STK32B: variants seen among roughly 807,000 people sequenced by gnomAD.
STK32B encodes serine/threonine-protein kinase 32B.
A neutral mutation model predicts 52.6 loss-of-function variants in STK32B; 43 were observed. The ratio of observed to expected loss-of-function variants is 0.82; its 90% confidence interval spans 0.64 to 1.05. The LOEUF (loss-of-function observed/expected upper bound fraction) is 1.05, where lower values mean the gene tolerates loss of function less well. Ranked by LOEUF, STK32B falls within the 50% of genes least tolerant of loss-of-function variation. The probability of loss-of-function intolerance (pLI) is 0.00; values close to 1 mark genes in which losing one functional copy is unlikely to be tolerated. For synonymous variants in STK32B, 238 were observed against 204.3 expected, an observed-to-expected ratio of 1.17 and a Z score of -1.41; for missense variants, 621 against 534.6, an observed-to-expected ratio of 1.16 and a Z score of -1.59.
intron 3 of STK32B, among the ~76,000 whole-genome samples, chr4:5,264,446 G>A (rs987300065): frequency 6.6e-6 from 1 of 151,880 alleles, no homozygotes; most frequent in Non-Finnish European, 1.5e-5. Context: ...CCTTTGTGAA[G>A]TATATGTCTA....
intron 11 of STK32B, among the ~76,000 whole-genome samples, chr4:5,494,606 G>C (rs1026299186): frequency 1.3e-5 from 2 of 152,162 alleles, no homozygotes; most frequent in Non-Finnish European, 2.9e-5. Context: ...GTGTGAATTT[G>C]ATCCTGTCAT....
At chr4:5,421,016 C>T (rs1712598642) in intron 6 of STK32B, among the ~76,000 whole-genome samples, 1 of 152,024 alleles carries the variant, frequency 6.6e-6, no homozygotes. Context: ...TCTCCTGCCT[C>T]AGCCTCCCAA....
rs147022806 is a variant in STK32B, at chr4:5,220,823, G to A, written c.260+52373G>A. On this transcript the variant is annotated intron_variant, in intron 3 of 11. Coordinates refer to ENST00000282908, the MANE Select transcript of STK32B (RefSeq NM_018401.3). ...GATCTCTGTTGCAGTAATCAACTAA[G>A]GTGGTGGCAGTGGGGATGGAAAGTA... Among the ~76,000 whole-genome samples, 224 of 152,258 alleles carry A rather than the reference G, an allele frequency of 1.5e-3. 1 individual carries two copies. The highest frequency in any genetic ancestry group is 5.0e-3 in the African/African-American group (208 of 41,554).
At chr4:5,227,065 C>T (rs1003450725) in intron 3 of STK32B, among the ~76,000 whole-genome samples, 1 of 152,128 alleles carries the variant, frequency 6.6e-6, no homozygotes, top group East Asian at 1.9e-4. Context: ...CATTCAATTG[C>T]AATGTCATGT....
chr4:5,273,971 C>T (rs1192028820), intron 3 of STK32B, among the ~76,000 whole-genome samples: 1 of 151,256 alleles, frequency 6.6e-6, no homozygotes, highest in Non-Finnish European at 1.5e-5. Context: ...TGCACATGTA[C>T]CCTAAAACTT....
chr4:5,100,684 ACTTTCTTTCTTTCCTTCCTTCCTTTC>A (rs1713709941), intron 1 of STK32B, among the ~76,000 whole-genome samples: 12 of 13,160 alleles, frequency 9.1e-4, no homozygotes, highest in South Asian at 4.3e-3. Context: ...TTCCTTTCTT[ACTTTCTTTCTTTCCTTCCTTCCTTTC>A]TTCCTTCCCT....
chr4:5,176,064 A>G (rs1055715584), intron 3 of STK32B, among the ~76,000 whole-genome samples: 2 of 152,186 alleles, frequency 1.3e-5, no homozygotes, highest in African/African-American at 2.4e-5. Flanking sequence ...TGTGCTAGCA[A>G]TGAGCGAGGC....
At chr4:5,217,149 A>G (rs909777312) in intron 3 of STK32B, among the ~76,000 whole-genome samples, 5 of 152,356 alleles carry the variant, frequency 3.3e-5, no homozygotes, top group Middle Eastern at 6.8e-3. Flanking sequence ...GGGTAACACC[A>G]TGGCTCTGGG....
At position 5,051,795 on chromosome 4, in the gene STK32B, C is replaced by G; in HGVS notation, c.-69C>G. ...GCGCCCCCGGCATCCCGCATCTCTG[C>G]GCGCGTCCCACATCCCGCATCCGGC... is the stretch of plus-strand genomic sequence containing the variant. On this transcript the variant is annotated 5_prime_UTR_variant, in exon 1 of 12. Coordinates refer to ENST00000282908, the MANE Select transcript of STK32B (RefSeq NM_018401.3). 1 of 1,549,034 alleles carries G rather than the reference C, an allele frequency of 6.5e-7. No individual in the cohort carries two copies. The highest frequency in any genetic ancestry group is 8.7e-7 in the Non-Finnish European group (1 of 1,146,086).
At chr4:5,264,281 C>G (rs569239840) in intron 3 of STK32B, among the ~76,000 whole-genome samples, 1 of 152,264 alleles carries the variant, frequency 6.6e-6, no homozygotes, top group Admixed American at 6.5e-5. Flanking sequence ...TCTGGTTACT[C>G]CATATCCTTA....
intron 1 of STK32B, among the ~76,000 whole-genome samples, chr4:5,073,742 A>G (rs1223440150): frequency 1.3e-5 from 2 of 152,086 alleles, no homozygotes; most frequent in African/African-American, 4.8e-5. Context: ...TATTTTCACC[A>G]GACATAGAAT....
chr4:5,257,319 G>A (rs73081695), intron 3 of STK32B, among the ~76,000 whole-genome samples: 19,751 of 151,968 alleles, frequency 0.13, 3,254 homozygotes, highest in African/African-American at 0.38. Flanking sequence ...GAGTAGATGA[G>A]TGAGCAAGTG....
chr4:5,426,888 A>G (rs1052384726), intron 6 of STK32B: 45 of 152,102 alleles, frequency 3.0e-4, no homozygotes, highest in African/African-American at 1.1e-3. Context: ...TATTTGTTTT[A>G]CTATTCAGGT....
At chr4:5,285,792 G>C (rs1379465748) in intron 3 of STK32B, among the ~76,000 whole-genome samples, 6 of 152,258 alleles carry the variant, frequency 3.9e-5, no homozygotes, top group East Asian at 1.9e-4. Flanking sequence ...AACTCTGCAT[G>C]AAACAGTAAA....
At chr4:5,318,487 A>C (rs1731266161) in intron 3 of STK32B, among the ~76,000 whole-genome samples, 1 of 152,138 alleles carries the variant, frequency 6.6e-6, no homozygotes, top group Admixed American at 6.5e-5. Context: ...AAAAGTTAGG[A>C]GCAAGATAAA....
At chr4:5,277,144 C>T (rs1727876836) in intron 3 of STK32B, among the ~76,000 whole-genome samples, 1 of 152,084 alleles carries the variant, frequency 6.6e-6, no homozygotes, top group Non-Finnish European at 1.5e-5. Context: ...TGTTTGTTTT[C>T]AAAATAGGAT....
Position 5,469,912 on chromosome 4 carries a change from C to G in STK32B, c.1106+1842C>G. Among the ~76,000 whole-genome samples, 1 of 152,156 alleles carries G rather than the reference C, an allele frequency of 6.6e-6. No individual in the cohort carries two copies. The highest frequency in any genetic ancestry group is 1.5e-5 in the Non-Finnish European group (1 of 68,022). On this transcript the variant is annotated intron_variant, in intron 11 of 11. Coordinates refer to ENST00000282908, the MANE Select transcript of STK32B (RefSeq NM_018401.3). This position sits in a 1 kb window ranked among gnomAD's most constrained non-coding sequence, Gnocchi z 4.7. The stretch of plus-strand genomic sequence containing the variant: ...TTCCCCCAGACTTAGAAACCCAGAC[C>G]CAGGAACTTCTGCTCAAAGAGCATC...
At chr4:5,264,656 G>T (rs552058403) in intron 3 of STK32B, among the ~76,000 whole-genome samples, 2 of 151,862 alleles carry the variant, frequency 1.3e-5, no homozygotes, top group Non-Finnish European at 2.9e-5. Flanking sequence ...GCATGGTGGC[G>T]GGCGCCTGTA....
At chr4:5,177,014 T>C (rs1719955618) in intron 3 of STK32B, among the ~76,000 whole-genome samples, 1 of 152,206 alleles carries the variant, frequency 6.6e-6, no homozygotes, top group Non-Finnish European at 1.5e-5. Context: ...AGGAGTGTTT[T>C]GAGAATTAAC....
Sources: allele counts gnomAD v4.1 joint callset (sites outside exome capture counted in the v4.1 genomes callset), GRCh38; gene constraint gnomAD v4.1.1; non-coding constraint Gnocchi (gnomAD v3.1); transcripts MANE v1.5; gene names NCBI Gene and HGNC (gene_info 2026-07-23, HGNC 2026-07-21).